HERC1: variants seen among roughly 807,000 people sequenced by gnomAD.
HERC1 encodes HECT and RLD domain containing E3 ubiquitin protein ligase family member 1.
HERC1 carries 160 observed loss-of-function variants against 554.3 expected under a neutral mutation model. That is an observed-to-expected ratio of 0.29 (90% CI 0.25 to 0.33). The LOEUF is 0.33. HERC1 is among the 10% of genes least tolerant of loss of function. The pLI is 1.00. For missense variants in HERC1, 4,919 were observed against 5,918.5 expected, an observed-to-expected ratio of 0.83 and a Z score of 5.54; for synonymous variants, 2,175 against 2,131.7, an observed-to-expected ratio of 1.02 and a Z score of -0.56.
chr15:63,712,529 G>A (rs562638748), intron 24 of HERC1, among the ~76,000 whole-genome samples: 2 of 152,202 alleles, frequency 1.3e-5, no homozygotes, highest in Non-Finnish European at 2.9e-5. Flanking sequence ...CAACTCATTC[G>A]GGTGGAATGT....
At chr15:63,738,583 G>T (rs756878206) in intron 12 of HERC1, among the ~76,000 whole-genome samples, 3 of 152,132 alleles carry the variant, frequency 2.0e-5, no homozygotes, top group East Asian at 3.8e-4. Flanking sequence ...AAAATTCAGA[G>T]AGGGTCAAAG....
At chr15:63,679,386 G>A (rs1278735746) in intron 36 of HERC1, among the ~76,000 whole-genome samples, 1 of 152,158 alleles carries the variant, frequency 6.6e-6, no homozygotes, top group Non-Finnish European at 1.5e-5. Context: ...TTCTTGGTTA[G>A]AATATATCAG....
intron 1 of HERC1, among the ~76,000 whole-genome samples, chr15:63,798,617 G>T (rs1393020922): frequency 1.3e-5 from 2 of 151,306 alleles, no homozygotes; most frequent in African/African-American, 4.9e-5. Flanking sequence ...TCTCTAACAG[G>T]ATACCTCTCA....
chr15:63,749,535 T>C lies in HERC1; in HGVS notation c.2051A>G (p.Asn684Ser), dbSNP rs1490706213. ...GTTATTGCCCCAGGCATAAACTTCATTATCTAAAAACAAAATATAAAGTAT... is the reference window on the plus strand; with the variant it reads ...GTTATTGCCCCAGGCATAAACTTCACTATCTAAAAACAAAATATAAAGTAT... ...DSHCLALSHD[N>S]EVYAWGNNSM... is the part of the protein sequence containing the mutation. Residue 684 changes from asparagine (N) to serine (S), a missense_variant, in exon 10 of 78, where the codon AAT (asparagine) becomes AGT (serine). Asn to Ser is a conservative substitution (Grantham distance 46). This residue lies in a region of HERC1 where 744 missense variants were observed against 1,090.0 expected (regional missense o/e 0.68). Coordinates refer to ENST00000443617, the MANE Select transcript of HERC1 (RefSeq NM_003922.4). This position sits in a 1 kb window ranked among gnomAD's most constrained non-coding sequence, Gnocchi z 4.1. 1 of 1,602,958 alleles carries C rather than the reference T, an allele frequency of 6.2e-7. No individual in the cohort carries two copies.
In HERC1 at chr15:63,716,468, T is replaced by C; in HGVS notation, c.3984A>G (p.Ser1328=). ...TRSSSRDRWI[S]ENQDSADVDP... ...CAACATCTGCAGAGTCCTGGTTTTC[T>C]GATATCTTAAAGAAATTATCAGAAA... is the stretch of plus-strand genomic sequence containing the variant. Residue 1328 remains serine (S), a synonymous_variant, in exon 22 of 78, where the codon TCA becomes TCG. Coordinates refer to ENST00000443617, the MANE Select transcript of HERC1 (RefSeq NM_003922.4). The C allele has an allele frequency of 6.3e-7, 1 of 1,594,624 alleles. No individual in the cohort carries two copies. Among genetic ancestry groups the C allele is most frequent in the Non-Finnish European group, 8.5e-7 (1 of 1,173,520 alleles).
chr15:63,617,002 TTATC>T (rs1037490141), intron 74 of HERC1, among the ~76,000 whole-genome samples: 3 of 151,990 alleles, frequency 2.0e-5, no homozygotes, highest in African/African-American at 7.2e-5. Flanking sequence ...TCTAAAATCA[TTATC>T]TTTTTTTTTT....
chr15:63,829,949 AT>A (rs1402400172), intron 1 of HERC1, among the ~76,000 whole-genome samples: 2 of 152,200 alleles, frequency 1.3e-5, no homozygotes, highest in Non-Finnish European at 2.9e-5. Context: ...ATATAAACAA[AT>A]AATTGAATAA....
At chr15:63,754,753 G>T in intron 6 of HERC1, 105 bp from the exon 7 acceptor site, 1 of 1,144,050 alleles carries the variant, frequency 8.7e-7, no homozygotes. Context: ...ATAGAATTGA[G>T]ATTTTTTTAA....
intron 25 of HERC1, among the ~76,000 whole-genome samples, chr15:63,702,938 T>C (rs11071764): frequency 0.45 from 68,131 of 151,724 alleles, 16,340 homozygotes; most frequent in Non-Finnish European, 0.54. Context: ...ACTCCGTCTC[T>C]ACTAAAAATA....
At chr15:63,792,669 C>G (rs977135598) in intron 1 of HERC1, among the ~76,000 whole-genome samples, 2 of 152,176 alleles carry the variant, frequency 1.3e-5, no homozygotes, top group Non-Finnish European at 2.9e-5. Flanking sequence ...CTATTAGACT[C>G]TCACAACACA....
At chr15:63,696,073 G>T in intron 27 of HERC1, 51 bp downstream of exon 27, 1 of 1,320,556 alleles carries the variant, frequency 7.6e-7, no homozygotes, top group Non-Finnish European at 1.1e-6. Flanking sequence ...TATTAAAGTG[G>T]CTTTGTAAAA....
intron 14 of HERC1, among the ~76,000 whole-genome samples, chr15:63,730,064 C>A (rs1035425384): frequency 6.7e-6 from 1 of 150,006 alleles, no homozygotes; most frequent in Non-Finnish European, 1.5e-5. Flanking sequence ...TATCCTTTCT[C>A]CCATTACCAA....
chr15:63,802,035 G>GA (rs1367620441), intron 1 of HERC1, among the ~76,000 whole-genome samples: 1 of 152,108 alleles, frequency 6.6e-6, no homozygotes, highest in Non-Finnish European at 1.5e-5. Flanking sequence ...AGTACTTAGA[G>GA]AATCATAAGA....
chr15:63,809,367 C>A (rs1250550563), intron 1 of HERC1, among the ~76,000 whole-genome samples: 3 of 152,158 alleles, frequency 2.0e-5, no homozygotes, highest in African/African-American at 7.2e-5. Flanking sequence ...AACAACCTAA[C>A]AAGAATGTGC....
chr15:63,810,437 G>C (rs947193880), intron 1 of HERC1, among the ~76,000 whole-genome samples: 1 of 151,910 alleles, frequency 6.6e-6, no homozygotes, highest in African/African-American at 2.4e-5. Flanking sequence ...AAAAAAGAGG[G>C]GCTATATATA....
chr15:63,746,428 A>C (rs2075057714), intron 12 of HERC1, among the ~76,000 whole-genome samples: 2 of 152,162 alleles, frequency 1.3e-5, no homozygotes, highest in South Asian at 4.1e-4. Flanking sequence ...TATAATACTA[A>C]ATATGTTTTT....
Position 63,732,954 on chromosome 15 carries a change from C to T in HERC1, c.2838G>A (p.Lys946=). Reference sequence around the variant, plus strand: ...AAAATCCTAAATTTCTTAAGAGGGTCTTCATCAAAATTTCAGCCAGGTGGG... The same window carrying T: ...AAAATCCTAAATTTCTTAAGAGGGTTTTCATCAAAATTTCAGCCAGGTGGG... ...PDTHLAEILM[K]TLLRNLGFYT... is the part of the protein sequence containing the mutation. Residue 946 remains lysine, a synonymous_variant, in exon 14 of 78, where the codon AAG becomes AAA. Coordinates refer to ENST00000443617, the MANE Select transcript of HERC1 (RefSeq NM_003922.4). The T allele has an allele frequency of 1.2e-6, 2 of 1,613,464 alleles. No homozygotes were observed. The highest frequency in any genetic ancestry group is 1.7e-6 in the Non-Finnish European group (2 of 1,179,476).
At chr15:63,659,598 C>A in intron 47 of HERC1, 138 bp downstream of exon 47, 1 of 681,262 alleles carries the variant, frequency 1.5e-6, no homozygotes, top group Non-Finnish European at 2.5e-6. Flanking sequence ...AAACAACTGG[C>A]TAAAGAGACT....
At chr15:63,664,398 C>T in intron 43 of HERC1, 72 bp downstream of exon 43, 2 of 1,428,620 alleles carry the variant, frequency 1.4e-6, no homozygotes, top group Non-Finnish European at 1.9e-6. Flanking sequence ...TTTGAATCTT[C>T]TTTAATGTGC....
Sources: gnomAD v4.1 joint callset for allele counts (sites outside exome capture counted in the v4.1 genomes callset) on GRCh38, gnomAD v4.1.1 for gene constraint, gnomAD v4.1.1 regional missense constraint, Gnocchi (gnomAD v3.1) non-coding constraint, MANE v1.5 for transcripts, NCBI Gene and HGNC (gene_info 2026-07-23, HGNC 2026-07-21) for gene names.